ZNF85: variants seen among roughly 807,000 people sequenced by gnomAD.
ZNF85 encodes zinc finger protein 85.
In ZNF85, 50 loss-of-function variants were observed where a neutral mutation model predicts 53.9. The observed-to-expected ratio is 0.93, with a 90% CI of 0.74 to 1.17. The LOEUF is 1.17. Ranked by LOEUF, ZNF85 falls within the 50% of genes most tolerant of loss-of-function variation. ZNF85 has a pLI of 0.00. For synonymous variants in ZNF85, 225 were observed against 226.1 expected (o/e 1.00, Z 0.04); for missense variants, 747 against 688.5 (o/e 1.08, Z -0.95).
chr19:20,949,090 T>A lies in ZNF85; in HGVS notation c.576T>A (p.His192Gln), dbSNP rs1973495941. The A allele has an allele frequency of 8.1e-6, 13 of 1,613,770 alleles. No homozygotes were observed. Among genetic ancestry groups the A allele is most frequent in the Non-Finnish European group, 1.1e-5 (13 of 1,179,798 alleles). ...GCATGATTTCATGCCTAACTGAACA[T>A]AGCAGAATTCATACTAGAGTAAATT... is the stretch of plus-strand genomic sequence containing the variant. ...SFGMISCLTE[H>Q]SRIHTRVNFY... Residue 192 changes from histidine to glutamine, a missense_variant, in exon 4 of 4, where the codon CAT becomes CAA. By Grantham distance (24) the His-to-Gln change is conservative. Transcript: ENST00000328178.
At chr19:20,939,866 T>A (rs1973251974) in intron 3 of ZNF85, among the ~76,000 whole-genome samples, 1 of 151,970 alleles carries the variant, frequency 6.6e-6, no homozygotes. Context: ...CCCAGGTAAT[T>A]TTGTATTTTT....
At chr19:20,939,584 T>C (rs752734457) in intron 3 of ZNF85, among the ~76,000 whole-genome samples, 2 of 152,056 alleles carry the variant, frequency 1.3e-5, no homozygotes, top group Non-Finnish European at 2.9e-5. Flanking sequence ...GTTTATTGTG[T>C]TTTTTGCTTT....
chr19:20,934,864 G>T, intron 2 of ZNF85, 85 bp from the exon 3 acceptor site: 1 of 726,288 alleles, frequency 1.4e-6, no homozygotes, highest in Admixed American at 3.2e-5. Context: ...AGTATTTTGG[G>T]ATTAATTTAC....
At chr19:20,940,755 G>T (rs1425414026) in intron 3 of ZNF85, among the ~76,000 whole-genome samples, 2 of 151,878 alleles carry the variant, frequency 1.3e-5, no homozygotes, top group Non-Finnish European at 1.5e-5. Flanking sequence ...GAATAATATA[G>T]TATCTATAAT....
At position 20,950,306 on chromosome 19, in the gene ZNF85, T is replaced by C; in HGVS notation, c.*4T>C. Reference sequence around the variant, plus strand: ...CGGAGAAAAATTACAAATATGAAAATTATGGCAAAGCTTTAATCAATTTAC... The same window carrying C: ...CGGAGAAAAATTACAAATATGAAAACTATGGCAAAGCTTTAATCAATTTAC... On this transcript the variant is annotated 3_prime_UTR_variant, in exon 4 of 4. Coordinates refer to ENST00000328178, the MANE Select transcript of ZNF85 (RefSeq NM_003429.5). The C allele has an allele frequency of 1.3e-6, 2 of 1,510,286 alleles. No individual in the cohort carries two copies. Among genetic ancestry groups the C allele is most frequent in the Non-Finnish European group, 1.8e-6 (2 of 1,130,726 alleles). 93.6% of individuals were successfully genotyped at this position (1,510,286 alleles called of 1,614,324 possible).
rs372428928 is a variant in ZNF85, at chr19:20,933,991, GTGTGTGTA to G, written c.4-27_4-20del. 365 of 1,472,808 alleles carry G rather than the reference GTGTGTGTA, an allele frequency of 2.5e-4. No individual in the cohort carries two copies. In the African/African-American group the frequency reaches 4.0e-3, roughly 16 times the overall value. 91.2% of individuals were successfully genotyped at this position (1,472,808 alleles called of 1,614,324 possible). On this transcript the variant is annotated intron_variant, in intron 1 of 3. Transcript: ENST00000328178. The stretch of plus-strand genomic sequence containing the variant: ...TGTGTGTGTGTGTGTGTGTGTGTGT[GTGTGTGTA>G]TGTGTATGTGTGTGTATCTTTCAGG...
At position 20,949,565 on chromosome 19, in the gene ZNF85, T is replaced by C; in HGVS notation, c.1051T>C (p.Phe351Leu). Residue 351 changes from phenylalanine (F) to leucine (L), a missense_variant, in exon 4 of 4, where the codon TTT (phenylalanine) becomes CTT (leucine). Phe to Leu is a conservative substitution (Grantham distance 22). Coordinates refer to ENST00000328178, the MANE Select transcript of ZNF85 (RefSeq NM_003429.5). ...PYKCKKCGKA[F>L]NQSAHLTTHE... is the part of the protein sequence containing the mutation. ...CAAATGTAAAAAATGTGGAAAAGCC[T>C]TTAACCAGTCTGCACACCTTACCAC... 6.3e-7 allele frequency: 1 copy of C among 1,598,360 alleles called. No individual in the cohort carries two copies. Among genetic ancestry groups the C allele is most frequent in the Non-Finnish European group, 8.6e-7 (1 of 1,169,012 alleles).
chr19:20,939,474 C>G (rs1027246984), intron 3 of ZNF85, among the ~76,000 whole-genome samples: 1 of 152,210 alleles, frequency 6.6e-6, no homozygotes, highest in Admixed American at 6.5e-5. Context: ...AGGCTGGTCT[C>G]GGACTCCTGA....
chr19:20,937,242 G>C, intron 3 of ZNF85: 1 of 441,880 alleles, frequency 2.3e-6, no homozygotes, highest in Non-Finnish European at 4.5e-6. Context: ...ATATTGGCCA[G>C]GCGAGTCTCA....
chr19:20,939,825 G>A (rs1568551484), intron 3 of ZNF85, among the ~76,000 whole-genome samples: 1 of 152,000 alleles, frequency 6.6e-6, no homozygotes, highest in Non-Finnish European at 1.5e-5. Flanking sequence ...AGCCTCCCAA[G>A]TTGCTGGGAT....
intron 1 of ZNF85, among the ~76,000 whole-genome samples, chr19:20,928,937 A>G (rs1331030364): frequency 6.6e-6 from 1 of 152,060 alleles, no homozygotes; most frequent in African/African-American, 2.4e-5. Context: ...TATAGGTAAA[A>G]TTGTGTCACG....
At chr19:20,933,957 A>ATGTGTGTGTGTGTGTGTGTGTG in intron 1 of ZNF85, 67 bp from the exon 2 acceptor site, 10 of 1,157,212 alleles carry the variant, frequency 8.6e-6, no homozygotes, top group Admixed American at 5.5e-5. Flanking sequence ...GTTGGTAATT[A>ATGTGTGTGTGTGTGTGTGTGTG]TGTGTGTGTG....
At chr19:20,945,091 TA>T (rs1403472537) in intron 3 of ZNF85, among the ~76,000 whole-genome samples, 4 of 151,734 alleles carry the variant, frequency 2.6e-5, no homozygotes, top group Non-Finnish European at 5.9e-5. Flanking sequence ...TAAGATAATA[TA>T]AAAACTATCA....
chr19:20,938,648 A>G (rs1477895787), intron 3 of ZNF85, among the ~76,000 whole-genome samples: 4 of 152,212 alleles, frequency 2.6e-5, no homozygotes, highest in African/African-American at 9.7e-5. Flanking sequence ...GCTAGAATTT[A>G]CATGTTATGC....
intron 3 of ZNF85, among the ~76,000 whole-genome samples, chr19:20,945,053 T>G (rs1230415668): frequency 6.6e-6 from 1 of 152,172 alleles, no homozygotes; most frequent in Non-Finnish European, 1.5e-5. Flanking sequence ...CTATATTATT[T>G]CTGTGTGGGA....
intron 3 of ZNF85, among the ~76,000 whole-genome samples, chr19:20,948,508 G>T (rs1056405729): frequency 6.6e-6 from 1 of 151,720 alleles, no homozygotes; most frequent in Non-Finnish European, 1.5e-5. Flanking sequence ...GTGGCTCTTT[G>T]CATTATGCTC....
chr19:20,932,935 T>A (rs1973058661), intron 1 of ZNF85, among the ~76,000 whole-genome samples: 1 of 151,754 alleles, frequency 6.6e-6, no homozygotes, highest in Admixed American at 6.6e-5. Flanking sequence ...CAGCCTGTAA[T>A]CCCAGCACTT....
intron 3 of ZNF85, among the ~76,000 whole-genome samples, chr19:20,937,717 T>C (rs1568550205): frequency 6.6e-6 from 1 of 152,114 alleles, no homozygotes; most frequent in Non-Finnish European, 1.5e-5. Context: ...AAACTGTGGC[T>C]TAGGGAGCTG....
In ZNF85 at chr19:20,949,544, T is replaced by C; in HGVS notation, c.1030T>C (p.Cys344Arg). The change falls in exon 4 of 4, where the codon TGT (cysteine) becomes CGT (arginine). Residue 344 changes from cysteine (C) to arginine (R), a missense_variant. By Grantham distance (180) the Cys-to-Arg change is radical. Transcript: ENST00000328178. ...IIHTGEKPYK[C>R]KKCGKAFNQS... ...TCATACTGGAGAGAAACCCTACAAATGTAAAAAATGTGGAAAAGCCTTTAA... is the reference window on the plus strand; with the variant it reads ...TCATACTGGAGAGAAACCCTACAAACGTAAAAAATGTGGAAAAGCCTTTAA... The C allele has an allele frequency of 6.2e-7, 1 of 1,612,948 alleles. No individual in the cohort carries two copies. The highest frequency in any genetic ancestry group is 1.7e-5 in the Admixed American group (1 of 59,928).
Sources: gnomAD v4.1 joint callset for allele counts (sites outside exome capture counted in the v4.1 genomes callset) on GRCh38, gnomAD v4.1.1 for gene constraint, MANE v1.5 for transcripts, NCBI Gene and HGNC (gene_info 2026-07-23, HGNC 2026-07-21) for gene names.